TTLL6: variants seen among roughly 807,000 people sequenced by gnomAD.
TTLL6 encodes the protein tubulin tyrosine ligase like 6.
A neutral mutation model predicts 96.4 loss-of-function variants in TTLL6; 75 were observed. That is an observed-to-expected ratio of 0.78 (90% CI 0.65 to 0.94). The LOEUF (loss-of-function observed/expected upper bound fraction) is 0.94, where lower values mean the gene tolerates loss of function less well. Ranked by LOEUF, TTLL6 falls within the 40% of genes least tolerant of loss-of-function variation. The pLI, the probability that TTLL6 is intolerant of heterozygous loss-of-function variation, is 0.00. For missense variants in TTLL6, 1,030 were observed against 1,093.0 expected, an observed-to-expected ratio of 0.94 and a Z score of 0.81; for synonymous variants, 411 against 419.4, an observed-to-expected ratio of 0.98 and a Z score of 0.24.
intron 12 of TTLL6, 133 bp downstream of exon 12, chr17:48,786,031 T>C: frequency 3.0e-6 from 4 of 1,352,960 alleles, no homozygotes; most frequent in Non-Finnish European, 4.0e-6. Flanking sequence ...CACCGCCCCG[T>C]CGTTGCCCAG....
intron 3 of TTLL6, among the ~76,000 whole-genome samples, chr17:48,801,904 G>A (rs764024596): frequency 6.6e-6 from 1 of 151,796 alleles, no homozygotes; most frequent in Non-Finnish European, 1.5e-5. Flanking sequence ...AAATTATCTG[G>A]GTGTGGTGGG....
At position 48,769,647 on chromosome 17, in the gene TTLL6, C is replaced by T. The variant is rs1008375616; in HGVS notation, c.2410+81G>A. 2.1e-5 allele frequency: 31 copies of T among 1,509,328 alleles called. No individual in the cohort carries two copies. The Admixed American group carries it at 4.4e-4, about 21-fold the overall frequency. The allele number at this position is 1,509,328 out of a possible 1,614,324, so 93.5% of individuals were successfully genotyped here. On this transcript the variant is annotated intron_variant, in intron 14 of 15. Transcript: ENST00000393382. ...CTGTCCCCCCTCCAAAGACTGGGAG[C>T]TCCCCAAAGATTAGGACTGGTTCTA...
chr17:48,770,507 G>GTTATTATTATTATTATTATTATTA lies in TTLL6; in HGVS notation c.2041-411_2041-410insTAATAATAATAATAATAATAATAA, dbSNP rs1211404974. Among the ~76,000 whole-genome samples the GTTATTATTATTATTATTATTATTA allele has an allele frequency of 1.3e-4, 14 of 109,946 alleles. No homozygotes were observed. In the East Asian group the frequency reaches 1.6e-3, roughly 13 times the overall value. The allele number at this position is 109,946 out of a possible 152,430, so 72.1% of individuals were successfully genotyped here. On this transcript the variant is annotated intron_variant, in intron 13 of 15. Transcript: ENST00000393382. ...CAGAACAATAGGTATTATTATTGTT[G>GTTATTATTATTATTATTATTATTA]TTGTTATTATTATTATTATTATTAT...
chr17:48,777,839 C>T (rs959164191), intron 13 of TTLL6, among the ~76,000 whole-genome samples: 3 of 151,408 alleles, frequency 2.0e-5, no homozygotes, highest in African/African-American at 4.9e-5. Context: ...TGAACCTGGG[C>T]GGCAGAGGTT....
intron 5 of TTLL6, 59 bp from the exon 6 acceptor site, chr17:48,799,819 G>A: frequency 2.1e-6 from 3 of 1,452,620 alleles, no homozygotes; most frequent in Non-Finnish European, 9.3e-7. Flanking sequence ...GAAAAGGAAG[G>A]CTAGCCCTTT....
Position 48,805,189 on chromosome 17 carries a change from T to C in TTLL6, c.104-198A>G, listed in dbSNP as rs530549948. Among the ~76,000 whole-genome samples, 10 of 152,344 alleles carry C rather than the reference T, an allele frequency of 6.6e-5. No homozygotes were observed. In the East Asian group the frequency reaches 1.9e-3, roughly 29 times the overall value. ...CACCTTTTGCCATTGGCTGTGACCT[T>C]GGAGACTCACTCAGCCAACGCTAGC... On this transcript the variant is annotated intron_variant, in intron 1 of 15. Coordinates refer to ENST00000393382, the MANE Select transcript of TTLL6 (RefSeq NM_001130918.3).
At chr17:48,780,270 T>C (rs1485594750) in intron 13 of TTLL6, among the ~76,000 whole-genome samples, 1 of 151,984 alleles carries the variant, frequency 6.6e-6, no homozygotes, top group African/African-American at 2.4e-5. Flanking sequence ...CTCAGCGAAC[T>C]CCTGACCTCA....
At chr17:48,766,761 G>A (rs894224185) in intron 15 of TTLL6, among the ~76,000 whole-genome samples, 1 of 152,192 alleles carries the variant, frequency 6.6e-6, no homozygotes, top group African/African-American at 2.4e-5. Context: ...CTACTCAAGA[G>A]GCTGAGGCAC....
intron 1 of TTLL6, among the ~76,000 whole-genome samples, chr17:48,806,509 A>T (rs2039507274): frequency 1.3e-5 from 2 of 151,718 alleles, no homozygotes; most frequent in African/African-American, 4.8e-5. Flanking sequence ...TCACATTTCA[A>T]CCCCTCTCCT....
chr17:48,811,761 G>T (rs894232082), intron 1 of TTLL6, among the ~76,000 whole-genome samples: 1 of 142,894 alleles, frequency 7.0e-6, no homozygotes, highest in Non-Finnish European at 1.5e-5. Flanking sequence ...GCAATGGCAC[G>T]ATCCCAGCTC....
At position 48,769,839 on chromosome 17, in the gene TTLL6, T is replaced by C. The variant is rs1445127620; in HGVS notation, c.2299A>G (p.Met767Val). Residue 767 changes from methionine to valine, a missense_variant, in exon 14 of 16, where the codon ATG (methionine) becomes GTG (valine). By Grantham distance (21) the Met-to-Val change is conservative. Transcript: ENST00000393382. The part of the protein sequence containing the change: ...NTNWTLLKSD[M>V]NKPHLISELL... ...TCGGATATCAAATGTGGCTTGTTCA[T>C]GTCACTCTTTAGCAAAGTCCAGTTT... The C allele has an allele frequency of 3.1e-6, 5 of 1,614,268 alleles. No homozygotes were observed. Among genetic ancestry groups the C allele is most frequent in the East Asian group, 4.5e-5 (2 of 44,890 alleles).
intron 8 of TTLL6, among the ~76,000 whole-genome samples, chr17:48,794,869 C>T (rs1009899514): frequency 7.2e-5 from 11 of 152,132 alleles, no homozygotes; most frequent in Admixed American, 5.2e-4. Context: ...TAACAGACCT[C>T]GCTTCTCCAC....
rs1202171612 is a variant in TTLL6, at chr17:48,769,922, T to G, written c.2216A>C (p.Lys739Thr). 4.3e-6 allele frequency: 7 copies of G among 1,614,056 alleles called. No individual in the cohort carries two copies. Among genetic ancestry groups the G allele is most frequent in the Non-Finnish European group, 5.9e-6 (7 of 1,180,048 alleles). ...QQTPPHLTQK[K>T]MLKSFLPTKS... Reference sequence around the variant, plus strand: ...TGTGGGCAGAAAAGATTTTAACATTTTCTTCTGGGTTAAGTGTGGAGGGGT... The same window carrying G: ...TGTGGGCAGAAAAGATTTTAACATTGTCTTCTGGGTTAAGTGTGGAGGGGT... The change falls in exon 14 of 16, where the codon AAA (lysine) becomes ACA (threonine). Residue 739 changes from lysine (K) to threonine (T), a missense_variant. By Grantham distance (78) the Lys-to-Thr change is moderately conservative. Coordinates refer to ENST00000393382, the MANE Select transcript of TTLL6 (RefSeq NM_001130918.3).
In TTLL6 at chr17:48,767,609, C is replaced by G. The variant is rs574388760; in HGVS notation, c.*1380G>C. 5.1e-4 allele frequency among the ~76,000 whole-genome samples: 78 copies of G among 152,302 alleles called. No individual in the cohort carries two copies. In the South Asian group the frequency reaches 0.016, roughly 30 times the overall value. On this transcript the variant is annotated intron_variant, in intron 15 of 15. Transcript: ENST00000393382. ...GGTCAGAGTATCTGCTCACAGTAAG[C>G]TTTGCGTGGCAGGGTGGAGGGAGAC...
At chr17:48,795,339 A>AG (rs1180562810) in intron 8 of TTLL6, among the ~76,000 whole-genome samples, 4 of 151,908 alleles carry the variant, frequency 2.6e-5, no homozygotes, top group Non-Finnish European at 4.4e-5. Context: ...GAAAAAAAAA[A>AG]AAAAGAAAAG....
At chr17:48,774,111 AAC>A (rs2038815354) in intron 13 of TTLL6, among the ~76,000 whole-genome samples, 1 of 149,450 alleles carries the variant, frequency 6.7e-6, no homozygotes, top group Non-Finnish European at 1.5e-5. Flanking sequence ...AAAAAAAAAA[AAC>A]AAGAAAAGTA....
Position 48,801,649 on chromosome 17 carries a change from G to C in TTLL6, c.362-6C>G. The C allele has an allele frequency of 6.5e-7, 1 of 1,550,234 alleles. No homozygotes were observed. Among genetic ancestry groups the C allele is most frequent in the Non-Finnish European group, 8.7e-7 (1 of 1,145,826 alleles). On this transcript the variant is annotated splice_polypyrimidine_tract_variant and splice_region_variant and intron_variant, in intron 3 of 15. Transcript: ENST00000393382. ...CTGTTGGGCAGCCCTGCGCACTATTGAAGAAAGAAAGGCCTATTAGCCCAG... is the reference window on the plus strand; with the variant it reads ...CTGTTGGGCAGCCCTGCGCACTATTCAAGAAAGAAAGGCCTATTAGCCCAG...
At chr17:48,786,455 C>T (rs2143328734) in intron 11 of TTLL6, 120 bp from the exon 12 acceptor site, 7 of 1,124,776 alleles carry the variant, frequency 6.2e-6, no homozygotes, top group Non-Finnish European at 9.2e-6. Flanking sequence ...TTCCCTCCTC[C>T]AACATATCCA....
At chr17:48,766,762 G>C (rs1012854678) in intron 15 of TTLL6, among the ~76,000 whole-genome samples, 1 of 152,170 alleles carries the variant, frequency 6.6e-6, no homozygotes, top group Non-Finnish European at 1.5e-5. Context: ...TACTCAAGAG[G>C]CTGAGGCACA....
Sources: allele counts gnomAD v4.1 joint callset (sites outside exome capture counted in the v4.1 genomes callset), GRCh38; gene constraint gnomAD v4.1.1; transcripts MANE v1.5; gene names NCBI Gene and HGNC (gene_info 2026-07-23, HGNC 2026-07-21).